The following NCAM1 variants were observed in gnomAD, a reference collection of about 807,000 sequenced individuals.
NCAM1 encodes antigen recognized by monoclonal antibody 5.1H11.
In NCAM1, 14 loss-of-function variants were observed where a neutral mutation model predicts 109.8. That is an observed-to-expected ratio of 0.13 (90% CI 0.08 to 0.20). NCAM1 has a LOEUF of 0.20. Among genes scored for constraint, NCAM1 ranks in the 10% least tolerant of loss-of-function variants. The pLI is 1.00. For synonymous variants in NCAM1, 418 were observed against 442.9 expected (o/e 0.94, Z 0.70); for missense variants, 774 against 1,109.9 (o/e 0.70, Z 4.30).
intron 1 of NCAM1, among the ~76,000 whole-genome samples, chr11:113,018,317 CTT>C (rs1308866647): frequency 1.4e-5 from 2 of 143,778 alleles, no homozygotes; most frequent in Non-Finnish European, 1.5e-5. Context: ...TTTTTAAAAC[CTT>C]TTTTTTTTTG....
chr11:113,161,509 G>A (rs1477991744), intron 1 of NCAM1, among the ~76,000 whole-genome samples: 2 of 152,116 alleles, frequency 1.3e-5, no homozygotes, highest in Non-Finnish European at 2.9e-5. Context: ...CCCTTATCCT[G>A]ATTCTGTTCT....
At chr11:113,253,759 C>T (rs1323659504) in intron 15 of NCAM1, among the ~76,000 whole-genome samples, 4 of 152,168 alleles carry the variant, frequency 2.6e-5, no homozygotes, top group African/African-American at 9.7e-5. Context: ...ATAAAAATCC[C>T]CTCCAGGCTA....
intron 1 of NCAM1, among the ~76,000 whole-genome samples, chr11:113,032,540 C>T (rs1443809080): frequency 1.3e-5 from 2 of 152,184 alleles, no homozygotes; most frequent in Non-Finnish European, 2.9e-5. Flanking sequence ...CTGCATTGCC[C>T]CCACTTACCT....
chr11:113,190,981 C>T (rs1943658715), intron 1 of NCAM1, among the ~76,000 whole-genome samples: 1 of 152,124 alleles, frequency 6.6e-6, no homozygotes, highest in South Asian at 2.1e-4. Context: ...GGAGTGGGGG[C>T]AGAACCAGTC....
At chr11:113,040,159 A>AAAATAAAT (rs35828046) in intron 1 of NCAM1, among the ~76,000 whole-genome samples, 1 of 151,288 alleles carries the variant, frequency 6.6e-6, no homozygotes, top group South Asian at 2.1e-4. Flanking sequence ...TAATAATTTT[A>AAAATAAAT]AAATAAATAA....
intron 1 of NCAM1, among the ~76,000 whole-genome samples, chr11:113,027,482 C>T (rs1952582399): frequency 6.6e-6 from 1 of 152,166 alleles, no homozygotes; most frequent in African/African-American, 2.4e-5. Flanking sequence ...TAATTTTGGT[C>T]TTCATCAAGA....
Position 113,108,782 on chromosome 11 carries a change from T to G in NCAM1, c.53-93597T>G, listed in dbSNP as rs1367953929. Among the ~76,000 whole-genome samples, 5 of 72,812 alleles carry G rather than the reference T, an allele frequency of 6.9e-5. No homozygotes were observed. In the East Asian group the frequency reaches 8.4e-3, roughly 123 times the overall value. 47.8% of individuals were successfully genotyped at this position (72,812 alleles called of 152,430 possible). A position where few individuals can be genotyped will look rare whatever the true frequency, so the allele number is the denominator to read the frequency against. ...TACATCCCTTGAAGGTTTTTTTTTG[T>G]TTTTTTTTTTTGAGACAGAGTCTCA... On this transcript the variant is annotated intron_variant, in intron 1 of 19. Transcript: ENST00000316851.
At chr11:113,167,565 T>C (rs1271755107) in intron 1 of NCAM1, among the ~76,000 whole-genome samples, 1 of 146,654 alleles carries the variant, frequency 6.8e-6, no homozygotes, top group Non-Finnish European at 1.5e-5. Context: ...ATCACCAAAC[T>C]CTTACTTAGC....
chr11:113,210,575 A>T (rs1190464209), intron 7 of NCAM1, among the ~76,000 whole-genome samples: 3 of 152,178 alleles, frequency 2.0e-5, no homozygotes, highest in South Asian at 2.1e-4. Flanking sequence ...TTGGCTGGGC[A>T]TGAACAGATC....
At chr11:113,166,012 T>C (rs1942785094) in intron 1 of NCAM1, among the ~76,000 whole-genome samples, 1 of 151,662 alleles carries the variant, frequency 6.6e-6, no homozygotes, top group Non-Finnish European at 1.5e-5. Flanking sequence ...TACTTATTTT[T>C]AGTAGAGACG....
chr11:113,232,831 C>A lies in NCAM1; in HGVS notation c.1522+17C>A. ...TTCAAGCAGGTGAGTGTCCCTTACT[C>A]ACCTGAGAGCAGCTGCCACAACCCC... On this transcript the variant is annotated intron_variant, in intron 12 of 19. Coordinates refer to ENST00000316851, the MANE Select transcript of NCAM1 (RefSeq NM_181351.5). The A allele has an allele frequency of 6.3e-7, 1 of 1,597,664 alleles. No homozygotes were observed.
chr11:113,225,529 C>G (rs1201141760), intron 9 of NCAM1, among the ~76,000 whole-genome samples: 1 of 152,234 alleles, frequency 6.6e-6, no homozygotes, highest in Admixed American at 6.5e-5. Context: ...TGCAGGAGAA[C>G]TTCCCCAATC....
In NCAM1 at chr11:113,205,732, T is replaced by C. The variant is rs910913241; in HGVS notation, c.490+66T>C. 5.2e-5 allele frequency: 81 copies of C among 1,548,538 alleles called. 2 individuals are homozygous for C. In the Admixed American group the frequency reaches 1.5e-3, roughly 29 times the overall value. On this transcript the variant is annotated intron_variant, in intron 4 of 19. Coordinates refer to ENST00000316851, the MANE Select transcript of NCAM1 (RefSeq NM_181351.5). ...CACCAAGTTCCCTAGCTTTTTCACCTGTACTGAGGCATTCCAGTCCAAACT... is the reference window on the plus strand; with the variant it reads ...CACCAAGTTCCCTAGCTTTTTCACCCGTACTGAGGCATTCCAGTCCAAACT...
chr11:113,011,786 A>C (rs953014986), intron 1 of NCAM1, among the ~76,000 whole-genome samples: 1 of 152,184 alleles, frequency 6.6e-6, no homozygotes, highest in South Asian at 2.1e-4. Flanking sequence ...TATGCTCATC[A>C]ACACTGTCAA....
chr11:113,092,557 C>T (rs1315888516), intron 1 of NCAM1, among the ~76,000 whole-genome samples: 4 of 152,148 alleles, frequency 2.6e-5, no homozygotes, highest in African/African-American at 9.7e-5. Context: ...CAAATCCCAG[C>T]AGAACTGAGC....
In NCAM1 at chr11:113,271,896, C is replaced by T. The variant is rs1946288551; in HGVS notation, c.2456+20C>T. On this transcript the variant is annotated intron_variant, in intron 19 of 19. Coordinates refer to ENST00000316851, the MANE Select transcript of NCAM1 (RefSeq NM_181351.5). ...GCCCGAGTACGTGGGCTGGGAGGGGCTGGCACCTGCTCCGTAGAGACCCCC... is the reference window on the plus strand; with the variant it reads ...GCCCGAGTACGTGGGCTGGGAGGGGTTGGCACCTGCTCCGTAGAGACCCCC... 6.5e-7 allele frequency: 1 copy of T among 1,538,736 alleles called. No homozygotes were observed. The highest frequency in any genetic ancestry group is 8.8e-7 in the Non-Finnish European group (1 of 1,137,480).
intron 1 of NCAM1, among the ~76,000 whole-genome samples, chr11:113,038,514 T>C (rs569766373): frequency 4.6e-5 from 7 of 152,322 alleles, no homozygotes; most frequent in Admixed American, 2.0e-4. Flanking sequence ...TCTAACCATC[T>C]TTAGATCAAG....
At chr11:113,148,052 A>G (rs782748792) in intron 1 of NCAM1, among the ~76,000 whole-genome samples, 1 of 152,210 alleles carries the variant, frequency 6.6e-6, no homozygotes, top group Non-Finnish European at 1.5e-5. Context: ...TAAAATGCAT[A>G]TTTTTTGAGT....
chr11:113,001,226 T>C (rs916528619), intron 1 of NCAM1, among the ~76,000 whole-genome samples: 98 of 152,294 alleles, frequency 6.4e-4, no homozygotes, highest in African/African-American at 2.2e-3. Context: ...CCCACACAGA[T>C]ACTGTGAACA....
Sources: allele counts gnomAD v4.1 joint callset (sites outside exome capture counted in the v4.1 genomes callset), GRCh38; gene constraint gnomAD v4.1.1; transcripts MANE v1.5; gene names NCBI Gene and HGNC (gene_info 2026-07-23, HGNC 2026-07-21).